The following KCNMA1 variants were observed in gnomAD, a reference collection of about 807,000 sequenced individuals.
The protein encoded by KCNMA1 is potassium calcium-activated channel subfamily M alpha 1.
KCNMA1 carries 29 observed loss-of-function variants against 140.0 expected under a neutral mutation model. The ratio of observed to expected loss-of-function variants is 0.21; its 90% CI spans 0.15 to 0.28. KCNMA1 has a LOEUF of 0.28. Among genes scored for constraint, KCNMA1 ranks in the 10% least tolerant of loss-of-function variants. The pLI is 1.00. For missense variants in KCNMA1, 880 were observed against 1,602.2 expected, an observed-to-expected ratio of 0.55 and a Z score of 7.70; for synonymous variants, 612 against 611.9, an observed-to-expected ratio of 1.00 and a Z score of 0.00.
At chr10:76,992,159 T>C (rs2082958512) in intron 19 of KCNMA1, among the ~76,000 whole-genome samples, 1 of 152,182 alleles carries the variant, frequency 6.6e-6, no homozygotes, top group Admixed American at 6.5e-5. Flanking sequence ...GGGAGTTTTT[T>C]CTTGCTGTTT....
chr10:77,279,207 C>T (rs941222947), intron 2 of KCNMA1, among the ~76,000 whole-genome samples: 8 of 152,098 alleles, frequency 5.3e-5, no homozygotes, highest in African/African-American at 1.9e-4. Context: ...ATAATTATTC[C>T]ATCAACTATT....
intron 22 of KCNMA1, among the ~76,000 whole-genome samples, chr10:76,947,988 CTCAGT>C (rs2064765057): frequency 1.3e-4 from 1 of 7,504 alleles, no homozygotes; most frequent in South Asian, 9.4e-3. Context: ...ATCCATGTTC[CTCAGT>C]TGTTTCTTGT....
At chr10:77,208,236 C>T (rs9633596) in intron 3 of KCNMA1, among the ~76,000 whole-genome samples, 10,633 of 152,200 alleles carry the variant, frequency 0.07, 927 homozygotes, top group East Asian at 0.23. Flanking sequence ...GTTCCAATTT[C>T]CCAGGGTTTG....
intron 25 of KCNMA1, chr10:76,902,185 C>G (rs2045762967): frequency 6.6e-6 from 1 of 152,220 alleles, no homozygotes; most frequent in African/African-American, 2.4e-5. Flanking sequence ...GGTGCTAGAA[C>G]TTCAAATGCC....
intron 1 of KCNMA1, among the ~76,000 whole-genome samples, chr10:77,599,642 G>A (rs2082020064): frequency 6.6e-6 from 1 of 152,184 alleles, no homozygotes; most frequent in East Asian, 1.9e-4. Flanking sequence ...GCGCAGAGTT[G>A]ACGATGTGTG....
intron 23 of KCNMA1, among the ~76,000 whole-genome samples, chr10:76,935,102 AT>A (rs1414103989): frequency 3.3e-5 from 5 of 152,296 alleles, no homozygotes; most frequent in African/African-American, 1.2e-4. Flanking sequence ...AGATTTACTC[AT>A]TTGTCCAGTG....
In KCNMA1 at chr10:76,887,025, AT is replaced by A; in HGVS notation, c.*240del. ...TATGTCTGGAGCATGCCTTTGGGTT[AT>A]TTTTCCCCCAGAATCATAAATAACT... On this transcript the variant is annotated 3_prime_UTR_variant, in exon 28 of 28. Transcript: ENST00000286628. The A allele has an allele frequency of 5.8e-6, 8 of 1,376,104 alleles. No homozygotes were observed. The highest frequency in any genetic ancestry group is 2.6e-5 in the Admixed American group (1 of 38,604). 85.2% of individuals were successfully genotyped at this position (1,376,104 alleles called of 1,614,324 possible). A position where few individuals can be genotyped will look rare whatever the true frequency, so the allele number is the denominator to read the frequency against.
chr10:77,353,067 C>T (rs1442807649), intron 2 of KCNMA1, among the ~76,000 whole-genome samples: 1 of 152,188 alleles, frequency 6.6e-6, no homozygotes, highest in Non-Finnish European at 1.5e-5. Context: ...TTTCATGAAG[C>T]TTAAAGGAGA....
In KCNMA1 at chr10:77,544,150, CTGTG is replaced by C. The variant is rs35370605; in HGVS notation, c.378+93111_378+93114del. 9.6e-3 allele frequency among the ~76,000 whole-genome samples: 1,369 copies of C among 142,506 alleles called. 8 individuals are homozygous for C. Among genetic ancestry groups the C allele is most frequent in the South Asian group, 0.014 (62 of 4,338 alleles). The allele number at this position is 142,506 out of a possible 152,430, so 93.5% of individuals were successfully genotyped here. ...ATCTGTGATCTACATATCTTTCCAG[CTGTG>C]TGTGTGTGTGTGTGTGTGTGTGTGT... On this transcript the variant is annotated intron_variant, in intron 1 of 27. Transcript: ENST00000286628.
intron 1 of KCNMA1, among the ~76,000 whole-genome samples, chr10:77,415,787 C>G (rs2096728768): frequency 6.6e-6 from 1 of 152,242 alleles, no homozygotes; most frequent in Non-Finnish European, 1.5e-5. Flanking sequence ...CAGGGCAGTG[C>G]TGCCCCTGAT....
rs754019764 is a variant in KCNMA1, at chr10:76,953,806, T to C, written c.2479A>G (p.Ile827Val). 1 of 1,614,062 alleles carries C rather than the reference T, an allele frequency of 6.2e-7. No homozygotes were observed. The highest frequency in any genetic ancestry group is 1.1e-5 in the South Asian group (1 of 91,078). The part of the protein sequence containing the change: ...WCAPKEIEKV[I>V]LTRSEAAMTV... Reference sequence around the variant, plus strand: ...ATGCACAGTCCCTCACTCACCAGGATGACTTTCTCTATCTCCTTGGGTGCA... The same window carrying C: ...ATGCACAGTCCCTCACTCACCAGGACGACTTTCTCTATCTCCTTGGGTGCA... The change falls in exon 21 of 28, where the codon ATC becomes GTC. Residue 827 changes from isoleucine (I) to valine (V), a missense_variant. Ile to Val is a conservative substitution (Grantham distance 29). Transcript: ENST00000286628.
Position 77,476,966 on chromosome 10 carries a change from T to C in KCNMA1, c.379-72943A>G, listed in dbSNP as rs559397991. ...CACGACCCTACCCTCCCAGAATTCA[T>C]AGTAGCACATACTTGACAGGTGAAA... On this transcript the variant is annotated intron_variant, in intron 1 of 27. Transcript: ENST00000286628. 3.3e-5 allele frequency among the ~76,000 whole-genome samples: 5 copies of C among 152,204 alleles called. 1 individual carries two copies. The highest frequency in any genetic ancestry group is 4.1e-4 in the South Asian group (2 of 4,834).
intron 15 of KCNMA1, among the ~76,000 whole-genome samples, chr10:77,032,790 G>A (rs565926810): frequency 1.7e-4 from 26 of 150,652 alleles, no homozygotes; most frequent in Non-Finnish European, 3.0e-4. Flanking sequence ...CAACCCAGAT[G>A]TTCCTGAACA....
At chr10:77,007,607 A>C (rs1425874174) in intron 18 of KCNMA1, among the ~76,000 whole-genome samples, 1 of 142,146 alleles carries the variant, frequency 7.0e-6, no homozygotes, top group Non-Finnish European at 1.5e-5. Context: ...TTTACATATA[A>C]GAATGTACAT....
chr10:77,078,568 A>G (rs2096469571), intron 13 of KCNMA1, among the ~76,000 whole-genome samples: 1 of 152,170 alleles, frequency 6.6e-6, no homozygotes, highest in Non-Finnish European at 1.5e-5. Flanking sequence ...GCAAATTCTC[A>G]TCTCGACTCT....
chr10:77,241,474 C>T (rs893945832), intron 3 of KCNMA1, among the ~76,000 whole-genome samples: 1 of 128,938 alleles, frequency 7.8e-6, no homozygotes, highest in Admixed American at 8.2e-5. Flanking sequence ...TGAGACCCCC[C>T]CATCTCTACA....
At chr10:77,566,850 T>C (rs1473616921) in intron 1 of KCNMA1, among the ~76,000 whole-genome samples, 2 of 144,992 alleles carry the variant, frequency 1.4e-5, no homozygotes, top group East Asian at 4.0e-4. Context: ...ATAAGGGAAG[T>C]AAAAAAGGGA....
chr10:77,342,553 C>A (rs1431862621), intron 2 of KCNMA1, among the ~76,000 whole-genome samples: 3 of 152,198 alleles, frequency 2.0e-5, no homozygotes, highest in African/African-American at 7.2e-5. Flanking sequence ...GTAAACACTC[C>A]CATGAAGAAT....
intron 1 of KCNMA1, among the ~76,000 whole-genome samples, chr10:77,491,801 A>G (rs2154540971): frequency 6.6e-6 from 1 of 152,028 alleles, no homozygotes; most frequent in South Asian, 2.1e-4. Context: ...CATTTGCCCC[A>G]GCAAAGCACT....
Sources: allele counts gnomAD v4.1 joint callset (sites outside exome capture counted in the v4.1 genomes callset), GRCh38; gene constraint gnomAD v4.1.1; transcripts MANE v1.5; gene names NCBI Gene and HGNC (gene_info 2026-07-23, HGNC 2026-07-21).